Variants in SLC2A9 observed in about 807,000 individuals in gnomAD.
SLC2A9 encodes the protein solute carrier family 2, facilitated glucose transporter member 9.
A neutral mutation model predicts 50.6 loss-of-function variants in SLC2A9; 39 were observed. That is an observed-to-expected ratio of 0.77 (90% CI 0.60 to 1.01). The LOEUF is 1.01. Ranked by LOEUF, SLC2A9 falls within the 50% of genes least tolerant of loss-of-function variation. The pLI, the probability that SLC2A9 is intolerant of heterozygous loss-of-function variation, is 0.00. For missense variants in SLC2A9, 686 were observed against 677.6 expected (o/e 1.01, Z -0.14); for synonymous variants, 324 against 276.9 (o/e 1.17, Z -1.69).
At chr4:10,009,478 G>T (rs1295037503) in intron 2 of SLC2A9, 1 of 152,154 alleles carries the variant, frequency 6.6e-6, no homozygotes, top group Non-Finnish European at 1.5e-5. Flanking sequence ...CTGCCTTTAG[G>T]GAAGGAGCAG....
At chr4:10,022,552 A>G (rs974067247), upstream of SLC2A9, among the ~76,000 whole-genome samples, 17 of 152,330 alleles carry the variant, frequency 1.1e-4, no homozygotes, top group South Asian at 6.2e-4. Context: ...AGCACCTTCA[A>G]TTTTGGCTAG....
chr4:9,776,025 G>A (rs1260390658), downstream of SLC2A9, among the ~76,000 whole-genome samples: 1 of 151,922 alleles, frequency 6.6e-6, no homozygotes, highest in East Asian at 1.9e-4. Context: ...CATTCTATTG[G>A]CCATAATCTC....
chr4:9,969,925 A>T (rs183508565), intron 5 of SLC2A9, among the ~76,000 whole-genome samples: 1 of 152,352 alleles, frequency 6.6e-6, no homozygotes, highest in East Asian at 1.9e-4. Context: ...CACCTCTCAT[A>T]CTTGGAAAGA....
At chr4:9,875,580 C>A (rs148067906) in intron 10 of SLC2A9, among the ~76,000 whole-genome samples, 1 of 152,318 alleles carries the variant, frequency 6.6e-6, no homozygotes, top group Non-Finnish European at 1.5e-5. Context: ...TGGGACCTGC[C>A]TTTAGCTTAG....
At position 9,898,895 on chromosome 4, in the gene SLC2A9, G is replaced by A. The variant is rs557486038; in HGVS notation, c.1114-8184C>T. ...TTCCTCAACAGGCTTTACTAGAGCCGTACTCCGTTGAGCAACCATTAATGG... is the reference window on the plus strand; with the variant it reads ...TTCCTCAACAGGCTTTACTAGAGCCATACTCCGTTGAGCAACCATTAATGG... On this transcript the variant is annotated intron_variant, in intron 8 of 11. Transcript: ENST00000264784. Among the ~76,000 whole-genome samples the A allele has an allele frequency of 7.9e-5, 12 of 152,244 alleles. No homozygotes were observed. The South Asian group carries it at 1.2e-3, about 16-fold the overall frequency.
intron 3 of SLC2A9, among the ~76,000 whole-genome samples, chr4:9,816,073 G>A (rs956731420): frequency 6.6e-6 from 1 of 152,134 alleles, no homozygotes; most frequent in Non-Finnish European, 1.5e-5. Context: ...AGGAGGCTGA[G>A]GCAGAAGGAT....
intron 3 of SLC2A9, 124 bp from the exon 4 acceptor site, chr4:9,985,917 CA>C (rs1004175310): frequency 1.2e-5 from 17 of 1,380,688 alleles, no homozygotes; most frequent in Non-Finnish European, 1.7e-5. Context: ...AGGCACAGTG[CA>C]GGGAGCACTG....
intron 1 of SLC2A9, 189 bp from the exon 2 acceptor site, chr4:10,019,262 T>A: frequency 1.7e-6 from 1 of 598,092 alleles, no homozygotes; most frequent in South Asian, 2.0e-5. Context: ...CAGGTCCGCG[T>A]GCGCAGGCCG....
At chr4:9,997,820 T>A (rs890862263) in intron 2 of SLC2A9, among the ~76,000 whole-genome samples, 1 of 151,614 alleles carries the variant, frequency 6.6e-6, no homozygotes, top group African/African-American at 2.4e-5. Context: ...AAGATTAACA[T>A]CTTCTGCTCT....
At chr4:9,826,011 T>A (rs111430301), downstream of SLC2A9, among the ~76,000 whole-genome samples, 4 of 152,206 alleles carry the variant, frequency 2.6e-5, no homozygotes, top group African/African-American at 7.2e-5. Flanking sequence ...ATCCGTTGAG[T>A]CCCCTATCAG....
At chr4:9,772,545 G>A (rs1308048415) in intron 1 of SLC2A9, among the ~76,000 whole-genome samples, 1 of 152,150 alleles carries the variant, frequency 6.6e-6, no homozygotes, top group Non-Finnish European at 1.5e-5. Flanking sequence ...AATGAGAAGA[G>A]CAAGCTCCAG....
downstream of SLC2A9, chr4:9,826,110 G>A (rs1725086207): frequency 2.5e-6 from 1 of 403,266 alleles, no homozygotes; most frequent in Non-Finnish European, 4.5e-6. Context: ...AAGAAGGCAG[G>A]TCATCTACCT....
intron 2 of SLC2A9, among the ~76,000 whole-genome samples, chr4:10,000,033 G>A (rs984167734): frequency 7.9e-5 from 12 of 152,150 alleles, no homozygotes; most frequent in Non-Finnish European, 1.5e-4. Context: ...ATAAGCAAAT[G>A]GTCTGATGGA....
intron 3 of SLC2A9, among the ~76,000 whole-genome samples, chr4:9,804,371 GC>G (rs1211503113): frequency 6.6e-6 from 1 of 151,962 alleles, no homozygotes; most frequent in African/African-American, 2.4e-5. Context: ...TCTTTAAATG[GC>G]CCTCAACTCA....
intron 8 of SLC2A9, among the ~76,000 whole-genome samples, chr4:9,906,664 A>G (rs995961751): frequency 3.3e-5 from 5 of 152,168 alleles, no homozygotes; most frequent in Non-Finnish European, 7.3e-5. Context: ...AATTTTACAA[A>G]TTTGCCCTAA....
At position 9,873,484 on chromosome 4, in the gene SLC2A9, C is replaced by T. The variant is rs190484715; in HGVS notation, c.1291+14083G>A. 2.7e-4 allele frequency among the ~76,000 whole-genome samples: 41 copies of T among 152,328 alleles called. 1 individual carries two copies. The highest frequency in any genetic ancestry group is 9.9e-4 in the African/African-American group (41 of 41,566). On this transcript the variant is annotated intron_variant, in intron 10 of 11. Coordinates refer to ENST00000264784, the MANE Select transcript of SLC2A9 (RefSeq NM_020041.3). ...GTGACTTGCTTTGGCTGATAGAATG[C>T]AGCAGAAATAGTGTGGAGTTCCAAG...
chr4:9,988,631 G>C (rs944699021), intron 3 of SLC2A9, among the ~76,000 whole-genome samples: 2 of 152,206 alleles, frequency 1.3e-5, no homozygotes, highest in Non-Finnish European at 2.9e-5. Flanking sequence ...GATCAATTCT[G>C]AAAGCAGAAC....
intron 11 of SLC2A9, 130 bp downstream of exon 11, chr4:9,834,747 TCTTC>T: frequency 7.1e-7 from 1 of 1,414,456 alleles, no homozygotes; most frequent in Non-Finnish European, 9.8e-7. Flanking sequence ...AAGCATAGTT[TCTTC>T]CTTCCTTAGG....
At chr4:9,908,128 A>G in intron 8 of SLC2A9, 107 bp downstream of exon 8, 1 of 817,362 alleles carries the variant, frequency 1.2e-6, no homozygotes, top group East Asian at 2.4e-5. Context: ...GTCCTAATTG[A>G]TGAATTCTGA....
Sources: allele counts gnomAD v4.1 joint callset (sites outside exome capture counted in the v4.1 genomes callset), GRCh38; gene constraint gnomAD v4.1.1; transcripts MANE v1.5; gene names NCBI Gene and HGNC (gene_info 2026-07-23, HGNC 2026-07-21).